RHBDL2: variants seen among roughly 807,000 people sequenced by gnomAD.
The protein encoded by RHBDL2 is rhomboid like 2.
A neutral mutation model predicts 31.7 loss-of-function variants in RHBDL2; 26 were observed. The ratio of observed to expected loss-of-function variants is 0.82; its 90% CI spans 0.60 to 1.14. The LOEUF is 1.14. Among genes scored for constraint, RHBDL2 ranks in the 50% most tolerant of loss-of-function variants. The probability of loss-of-function intolerance (pLI) is 0.00; values close to 1 mark genes in which losing one functional copy is unlikely to be tolerated. For synonymous variants in RHBDL2, 123 were observed against 127.2 expected (o/e 0.97, Z 0.22); for missense variants, 336 against 364.4 (o/e 0.92, Z 0.63).
chr1:38,907,632 C>T (rs1643085545), intron 4 of RHBDL2, among the ~76,000 whole-genome samples: 1 of 152,144 alleles, frequency 6.6e-6, no homozygotes, highest in Non-Finnish European at 1.5e-5. Flanking sequence ...TTTTAGGAGC[C>T]CAAGGCCGGA....
At chr1:38,895,784 T>C (rs1045405056) in intron 5 of RHBDL2, among the ~76,000 whole-genome samples, 185 bp downstream of exon 5, 57 of 152,078 alleles carry the variant, frequency 3.7e-4, no homozygotes, top group African/African-American at 1.2e-3. Context: ...GCCTGGGCAA[T>C]GGTGCAAGAC....
At chr1:38,910,484 A>G (rs771534663) in intron 4 of RHBDL2, among the ~76,000 whole-genome samples, 1 of 152,180 alleles carries the variant, frequency 6.6e-6, no homozygotes, top group African/African-American at 2.4e-5. Flanking sequence ...GGGAGTTCTA[A>G]TATTTTCTTC....
intron 1 of RHBDL2, among the ~76,000 whole-genome samples, chr1:38,935,348 A>G (rs1643487510): frequency 6.6e-6 from 1 of 152,252 alleles, no homozygotes; most frequent in Non-Finnish European, 1.5e-5. Context: ...AAAGAGCTAA[A>G]GCTCTTAAGT....
chr1:38,935,382 C>T (rs1643488180), intron 1 of RHBDL2, among the ~76,000 whole-genome samples: 1 of 152,098 alleles, frequency 6.6e-6, no homozygotes, highest in African/African-American at 2.4e-5. Flanking sequence ...ATGGCTAAAA[C>T]ACAAATTCTA....
At chr1:38,902,207 T>TTTC (rs1643001200) in intron 4 of RHBDL2, among the ~76,000 whole-genome samples, 1 of 128,582 alleles carries the variant, frequency 7.8e-6, no homozygotes, top group Non-Finnish European at 1.7e-5. Context: ...TTTTCTTTTT[T>TTTC]TTTTTTTTTT....
chr1:38,906,074 A>C (rs1216153152), intron 4 of RHBDL2, among the ~76,000 whole-genome samples: 1 of 152,088 alleles, frequency 6.6e-6, no homozygotes, highest in East Asian at 1.9e-4. Context: ...CTCAAAAAAA[A>C]AAAAAAAAAC....
intron 4 of RHBDL2, among the ~76,000 whole-genome samples, chr1:38,899,966 T>G (rs1280821877): frequency 6.6e-6 from 1 of 152,208 alleles, no homozygotes; most frequent in South Asian, 2.1e-4. Context: ...CTCTAGGTCC[T>G]TTCCTGCAAG....
intron 2 of RHBDL2, among the ~76,000 whole-genome samples, chr1:38,916,509 T>G (rs1312804502): frequency 3.3e-5 from 5 of 150,648 alleles, no homozygotes; most frequent in Admixed American, 6.6e-5. Context: ...AAATCTGGAG[T>G]TTAGTTAGGA....
chr1:38,910,753 C>CTTTTTTTTTTTTTTTTTTTTTTT (rs765064879), intron 4 of RHBDL2, among the ~76,000 whole-genome samples: 1 of 111,076 alleles, frequency 9.0e-6, no homozygotes, highest in Non-Finnish European at 1.8e-5. Flanking sequence ...TATTCCTTTT[C>CTTTTTTTTTTTTTTTTTTTTTTT]TTTTTTTTTT....
chr1:38,905,858 G>A, intron 4 of RHBDL2, among the ~76,000 whole-genome samples: 1 of 152,028 alleles, frequency 6.6e-6, no homozygotes, highest in East Asian at 1.9e-4. Context: ...ATGAGGTCAG[G>A]AGTTTGAGAC....
intron 4 of RHBDL2, among the ~76,000 whole-genome samples, chr1:38,902,608 G>T (rs1055870516): frequency 6.6e-6 from 1 of 151,758 alleles, no homozygotes; most frequent in Admixed American, 6.6e-5. Flanking sequence ...TTTTAATAGA[G>T]ACGGGGTTTC....
At chr1:38,899,045 A>G (rs980995668) in intron 4 of RHBDL2, among the ~76,000 whole-genome samples, 1 of 152,174 alleles carries the variant, frequency 6.6e-6, no homozygotes, top group Non-Finnish European at 1.5e-5. Flanking sequence ...ACAGAAGCTC[A>G]AGTATAGAGT....
At chr1:38,908,104 C>T (rs1018918622) in intron 4 of RHBDL2, among the ~76,000 whole-genome samples, 2 of 122,568 alleles carry the variant, frequency 1.6e-5, no homozygotes, top group Admixed American at 1.9e-4. Context: ...AGATAGATGA[C>T]AGATAAGCAC....
At chr1:38,911,286 A>G in intron 4 of RHBDL2, 36 bp downstream of exon 4, 1 of 1,363,276 alleles carries the variant, frequency 7.3e-7, no homozygotes, top group Non-Finnish European at 1.0e-6. Flanking sequence ...CTAAGAGCCC[A>G]GAGGTATTGA....
Position 38,920,607 on chromosome 1 carries a change from C to CT in RHBDL2, c.-125-1271dup, listed in dbSNP as rs547790628. Among the ~76,000 whole-genome samples the CT allele has an allele frequency of 6.6e-3, 848 of 129,042 alleles. 13 individuals are homozygous for CT. Among genetic ancestry groups the CT allele is most frequent in the African/African-American group, 0.016 (562 of 35,528 alleles). The allele number at this position is 129,042 out of a possible 152,430, so 84.7% of individuals were successfully genotyped here. A position where few individuals can be genotyped will look rare whatever the true frequency, so the allele number is the denominator to read the frequency against. Reference sequence around the variant, plus strand: ...GTGAACATCCCTGTACAAGTTTTCTCTTTTTTTTTTTTTTTTTGAGACAGA... The same window carrying CT: ...GTGAACATCCCTGTACAAGTTTTCTCTTTTTTTTTTTTTTTTTTGAGACAGA... On this transcript the variant is annotated intron_variant, in intron 1 of 7. Transcript: ENST00000372990.
At chr1:38,893,720 G>A (rs11211580) in intron 5 of RHBDL2, among the ~76,000 whole-genome samples, 3,045 of 151,500 alleles carry the variant, frequency 0.02, 99 homozygotes, top group African/African-American at 0.07. Context: ...TCTTTTGGGG[G>A]CGCTCTTGGG....
intron 3 of RHBDL2, 138 bp from the exon 4 acceptor site, chr1:38,911,572 C>A: frequency 1.6e-6 from 1 of 635,836 alleles, no homozygotes; most frequent in Non-Finnish European, 2.8e-6. Flanking sequence ...TTTTTCTTCG[C>A]AGACAACTCT....
At chr1:38,928,421 G>A (rs1385485176) in intron 1 of RHBDL2, among the ~76,000 whole-genome samples, 1 of 133,978 alleles carries the variant, frequency 7.5e-6, no homozygotes, top group Non-Finnish European at 1.6e-5. Flanking sequence ...GGATTACAGG[G>A]GTGAGCCACG....
At chr1:38,899,866 C>T (rs968158570) in intron 4 of RHBDL2, among the ~76,000 whole-genome samples, 2 of 152,190 alleles carry the variant, frequency 1.3e-5, no homozygotes, top group Non-Finnish European at 2.9e-5. Context: ...CACCATGGTC[C>T]TCGCTGCCCT....
Sources: allele counts gnomAD v4.1 joint callset (sites outside exome capture counted in the v4.1 genomes callset), GRCh38; gene constraint gnomAD v4.1.1; transcripts MANE v1.5; gene names NCBI Gene and HGNC (gene_info 2026-07-23, HGNC 2026-07-21).